C12orf75: variants seen among roughly 807,000 people sequenced by gnomAD.
C12orf75 encodes the protein chromosome 12 open reading frame 75.
C12orf75 carries 4 observed loss-of-function variants against 11.4 expected under a neutral mutation model. The observed-to-expected ratio is 0.35, with a 90% CI of 0.17 to 0.80. C12orf75 has a LOEUF of 0.80. Among genes scored for constraint, C12orf75 ranks in the 30% least tolerant of loss-of-function variants. The pLI is 0.52. For synonymous variants in C12orf75, 30 were observed against 30.0 expected (o/e 1.00, Z 0.00); for missense variants, 89 against 80.4 (o/e 1.11, Z -0.41).
intron 2 of C12orf75, among the ~76,000 whole-genome samples, chr12:105,362,164 A>G (rs1229369632): frequency 6.6e-6 from 1 of 151,968 alleles, no homozygotes; most frequent in Non-Finnish European, 1.5e-5. Context: ...AGGCGGGCGG[A>G]TCACGAGGTC....
At chr12:105,337,969 G>T (rs926684675) in intron 1 of C12orf75, among the ~76,000 whole-genome samples, 26 of 151,424 alleles carry the variant, frequency 1.7e-4, no homozygotes, top group Non-Finnish European at 3.2e-4. Context: ...TAGAGTAAGA[G>T]AAAAAAAACC....
At chr12:105,338,657 A>G (rs1336139031) in intron 1 of C12orf75, among the ~76,000 whole-genome samples, 3 of 152,208 alleles carry the variant, frequency 2.0e-5, no homozygotes, top group African/African-American at 2.4e-5. Flanking sequence ...TCAGGCTGCT[A>G]TCATTCATGG....
Position 105,367,465 on chromosome 12 carries a change from CT to C in C12orf75, c.188-4del. 1.2e-6 allele frequency: 1 copy of C among 836,150 alleles called. No individual in the cohort carries two copies. Among genetic ancestry groups the C allele is most frequent in the Non-Finnish European group, 1.8e-6 (1 of 548,366 alleles). The allele number at this position is 836,150 out of a possible 1,614,324, so 51.8% of individuals were successfully genotyped here. On this transcript the variant is annotated splice_polypyrimidine_tract_variant and splice_region_variant and intron_variant, in intron 4 of 5. Coordinates refer to ENST00000443585, the MANE Select transcript of C12orf75 (RefSeq NM_001145199.2). ...AACATTTAACTTTTCTTAATTTTCTCTTTAAGATTAGAAGAAAATAACATCA... is the reference window on the plus strand; with the variant it reads ...AACATTTAACTTTTCTTAATTTTCTCTTAAGATTAGAAGAAAATAACATCA...
chr12:105,367,081 C>G (rs1442368318), intron 4 of C12orf75, among the ~76,000 whole-genome samples: 1 of 152,154 alleles, frequency 6.6e-6, no homozygotes, highest in Non-Finnish European at 1.5e-5. Context: ...AAATAATTGC[C>G]TATTGTATAA....
chr12:105,362,342 G>A (rs369243495), intron 2 of C12orf75, among the ~76,000 whole-genome samples: 303 of 118,554 alleles, frequency 2.6e-3, no homozygotes, highest in African/African-American at 9.8e-3. Context: ...CCGAGATCCC[G>A]CCACTGCACT....
intron 2 of C12orf75, among the ~76,000 whole-genome samples, chr12:105,357,006 AC>A (rs1892791115): frequency 6.6e-6 from 1 of 152,210 alleles, no homozygotes; most frequent in Non-Finnish European, 1.5e-5. Context: ...GCGAAAGCCC[AC>A]CCACCCCAAA....
intron 1 of C12orf75, among the ~76,000 whole-genome samples, chr12:105,338,671 A>G (rs1289909882): frequency 6.6e-6 from 1 of 152,178 alleles, no homozygotes; most frequent in Admixed American, 6.5e-5. Context: ...TTCATGGTAG[A>G]AGGTAAAAGG....
intron 1 of C12orf75, among the ~76,000 whole-genome samples, chr12:105,348,363 C>T (rs8181654): frequency 0.053 from 7,940 of 149,422 alleles, 288 homozygotes; most frequent in East Asian, 0.15. Flanking sequence ...TGCAGTGAGC[C>T]GAGATTGCAT....
At chr12:105,343,879 C>T (rs928961747) in intron 1 of C12orf75, among the ~76,000 whole-genome samples, 2 of 152,206 alleles carry the variant, frequency 1.3e-5, no homozygotes, top group African/African-American at 4.8e-5. Context: ...CACAGACACA[C>T]ACACACTTCT....
chr12:105,352,375 G>A (rs933926937), intron 2 of C12orf75, among the ~76,000 whole-genome samples: 2 of 152,102 alleles, frequency 1.3e-5, no homozygotes, highest in Admixed American at 6.5e-5. Flanking sequence ...AGGAATGGAG[G>A]GATGTTGGTG....
chr12:105,331,413 G>T lies in C12orf75; in HGVS notation c.46+476G>T, dbSNP rs540755600. 4.6e-5 allele frequency among the ~76,000 whole-genome samples: 7 copies of T among 152,202 alleles called. No individual in the cohort carries two copies. The East Asian group carries it at 1.2e-3, about 25-fold the overall frequency. On this transcript the variant is annotated intron_variant, in intron 1 of 5. Coordinates refer to ENST00000443585, the MANE Select transcript of C12orf75 (RefSeq NM_001145199.2). The stretch of plus-strand genomic sequence containing the variant: ...GTGGGGCAGGAAGCGGGGAAGGGTG[G>T]GAGTGGGGTTGGGGAGAACTAGAAG...
At chr12:105,360,851 C>T (rs1764457814) in intron 2 of C12orf75, among the ~76,000 whole-genome samples, 1 of 152,106 alleles carries the variant, frequency 6.6e-6, no homozygotes, top group African/African-American at 2.4e-5. Context: ...TCTCGGCTCA[C>T]TGCAACCTCC....
At chr12:105,367,585 T>TA (rs1246356282) in intron 5 of C12orf75, 76 bp downstream of exon 5, 3 of 376,506 alleles carry the variant, frequency 8.0e-6, no homozygotes, top group African/African-American at 2.1e-5. Context: ...ATTTGCTCTA[T>TA]AAAAAATTTC....
intron 2 of C12orf75, among the ~76,000 whole-genome samples, chr12:105,356,623 G>A (rs1219846244): frequency 6.6e-6 from 1 of 152,156 alleles, no homozygotes; most frequent in Non-Finnish European, 1.5e-5. Context: ...TAGCAAGGAT[G>A]ACTTGGGAGC....
intron 3 of C12orf75, 135 bp downstream of exon 3, chr12:105,365,977 C>A: frequency 1.4e-6 from 1 of 706,680 alleles, no homozygotes; most frequent in Non-Finnish European, 2.6e-6. Context: ...CAGGTAGGGG[C>A]ATATGGTCTG....
chr12:105,340,004 A>C (rs539019410), intron 1 of C12orf75, among the ~76,000 whole-genome samples: 2 of 152,198 alleles, frequency 1.3e-5, no homozygotes, highest in Non-Finnish European at 2.9e-5. Context: ...TAAATGTTTG[A>C]ATCTGTATAA....
chr12:105,334,640 G>A (rs1057475612), intron 1 of C12orf75, among the ~76,000 whole-genome samples: 11 of 152,328 alleles, frequency 7.2e-5, no homozygotes, highest in Middle Eastern at 3.4e-3. Flanking sequence ...CATCGGGATT[G>A]AATAGTTCAT....
intron 2 of C12orf75, among the ~76,000 whole-genome samples, chr12:105,362,114 C>T (rs958911791): frequency 6.6e-6 from 1 of 151,860 alleles, no homozygotes; most frequent in Non-Finnish European, 1.5e-5. Context: ...TGGCCGGGCG[C>T]GGTGGCTCAC....
intron 1 of C12orf75, among the ~76,000 whole-genome samples, chr12:105,342,141 C>T (rs528446433): frequency 4.6e-5 from 7 of 152,318 alleles, no homozygotes; most frequent in Non-Finnish European, 7.4e-5. Flanking sequence ...GGTTTGAGTG[C>T]GTTCCCCAAC....
Sources: allele counts gnomAD v4.1 joint callset (sites outside exome capture counted in the v4.1 genomes callset), GRCh38; gene constraint gnomAD v4.1.1; transcripts MANE v1.5; gene names NCBI Gene and HGNC (gene_info 2026-07-23, HGNC 2026-07-21).